Variants in KCNIP4 observed in about 807,000 individuals in gnomAD.
KCNIP4 encodes Kv channel-interacting protein 4.
In KCNIP4, 12 loss-of-function variants were observed where a neutral mutation model predicts 34.0. The ratio of observed to expected loss-of-function variants is 0.35; its 90% CI spans 0.23 to 0.57. The LOEUF (loss-of-function observed/expected upper bound fraction) is 0.57, where lower values mean the gene tolerates loss of function less well. Among genes scored for constraint, KCNIP4 ranks in the 20% least tolerant of loss-of-function variants. The pLI, the probability that KCNIP4 is intolerant of heterozygous loss-of-function variation, is 0.83. For missense variants in KCNIP4, 238 were observed against 311.7 expected, an observed-to-expected ratio of 0.76 and a Z score of 1.78; for synonymous variants, 124 against 102.2, an observed-to-expected ratio of 1.21 and a Z score of -1.29.
chr4:21,262,139 C>A (rs895338082), intron 1 of KCNIP4, among the ~76,000 whole-genome samples: 1 of 152,092 alleles, frequency 6.6e-6, no homozygotes. Flanking sequence ...ATAAACAGTT[C>A]CTTTTTATTT....
At chr4:21,445,287 T>C (rs1444690184) in intron 1 of KCNIP4, among the ~76,000 whole-genome samples, 1 of 152,090 alleles carries the variant, frequency 6.6e-6, no homozygotes, top group African/African-American at 2.4e-5. Flanking sequence ...AAAGTTCATA[T>C]GGAACCAAAA....
chr4:21,244,011 C>A (rs1760028309), intron 1 of KCNIP4, among the ~76,000 whole-genome samples: 1 of 152,140 alleles, frequency 6.6e-6, no homozygotes, highest in African/African-American at 2.4e-5. Flanking sequence ...GCTAGTGAGG[C>A]AAGCACTTGC....
intron 1 of KCNIP4, among the ~76,000 whole-genome samples, chr4:21,569,077 T>C (rs989447931): frequency 1.3e-5 from 2 of 151,704 alleles, no homozygotes; most frequent in African/African-American, 4.8e-5. Flanking sequence ...ATTTTGAGCC[T>C]CCAAACCTGT....
At chr4:21,671,734 G>A (rs935837357) in intron 1 of KCNIP4, among the ~76,000 whole-genome samples, 5 of 152,118 alleles carry the variant, frequency 3.3e-5, no homozygotes, top group African/African-American at 7.2e-5. Flanking sequence ...AGTAGCACCC[G>A]AAACCTATGC....
chr4:20,786,002 C>A (rs1474104962), intron 3 of KCNIP4, among the ~76,000 whole-genome samples: 1 of 151,984 alleles, frequency 6.6e-6, no homozygotes, highest in African/African-American at 2.4e-5. Context: ...TGCACTCATA[C>A]GTTTATCACA....
At chr4:21,306,922 A>C (rs1309874297) in intron 1 of KCNIP4, among the ~76,000 whole-genome samples, 1 of 151,924 alleles carries the variant, frequency 6.6e-6, no homozygotes, top group Non-Finnish European at 1.5e-5. Flanking sequence ...TCCTGGGTTC[A>C]AGCAATTCTC....
chr4:21,494,352 C>G (rs1313318592), intron 1 of KCNIP4, among the ~76,000 whole-genome samples: 1 of 151,806 alleles, frequency 6.6e-6, no homozygotes, highest in East Asian at 1.9e-4. Context: ...ATACCAATGA[C>G]AGCCAAATGG....
Position 21,268,819 on chromosome 4 carries a change from G to A in KCNIP4, c.62-386110C>T, listed in dbSNP as rs561487986. Among the ~76,000 whole-genome samples, 144 of 152,298 alleles carry A rather than the reference G, an allele frequency of 9.5e-4. 2 individuals carry two copies. In the South Asian group the frequency reaches 0.021, roughly 23 times the overall value. ...ACCCACCTAGTCCAGTCCTGGCAAC[G>A]GTCAAGAAAACTTCCTGGGCAAAAC... is the stretch of plus-strand genomic sequence containing the variant. On this transcript the variant is annotated intron_variant, in intron 1 of 8. Transcript: ENST00000382152.
intron 3 of KCNIP4, among the ~76,000 whole-genome samples, chr4:20,843,957 C>T (rs1191142963): frequency 6.6e-6 from 1 of 152,106 alleles, no homozygotes; most frequent in Non-Finnish European, 1.5e-5. Flanking sequence ...TTTTTAATTA[C>T]ATTATGAAGT....
chr4:21,382,147 A>T (rs1721566223), intron 1 of KCNIP4, among the ~76,000 whole-genome samples: 1 of 152,228 alleles, frequency 6.6e-6, no homozygotes, highest in African/African-American at 2.4e-5. Context: ...ACATGCTGAA[A>T]TATGTAGTAC....
At chr4:21,822,825 C>A (rs1227175161) in intron 1 of KCNIP4, among the ~76,000 whole-genome samples, 1 of 149,094 alleles carries the variant, frequency 6.7e-6, no homozygotes, top group East Asian at 2.0e-4. Context: ...TCAAGAGATT[C>A]TCTTGCCTCA....
chr4:20,935,000 C>T (rs1194650545), intron 1 of KCNIP4, among the ~76,000 whole-genome samples: 1 of 152,170 alleles, frequency 6.6e-6, no homozygotes, highest in Non-Finnish European at 1.5e-5. Context: ...CCAGTCTCTG[C>T]CTCCATCTTC....
chr4:21,539,903 G>A (rs1368619157), intron 1 of KCNIP4, among the ~76,000 whole-genome samples: 2 of 151,850 alleles, frequency 1.3e-5, no homozygotes, highest in Non-Finnish European at 2.9e-5. Context: ...CGCTTGAACC[G>A]GGAGGTGGCA....
intron 1 of KCNIP4, among the ~76,000 whole-genome samples, chr4:21,457,814 A>T (rs904572678): frequency 1.3e-5 from 2 of 152,020 alleles, no homozygotes; most frequent in Non-Finnish European, 1.5e-5. Flanking sequence ...GCTCTATGGT[A>T]AAAAAGAATA....
intron 1 of KCNIP4, among the ~76,000 whole-genome samples, chr4:21,541,152 C>T (rs1737651776): frequency 8.2e-6 from 1 of 122,336 alleles, no homozygotes; most frequent in Non-Finnish European, 1.6e-5. Context: ...GCCTGAGCAA[C>T]AGAGTGAGAC....
At chr4:21,441,589 C>G (rs1321128884) in intron 1 of KCNIP4, among the ~76,000 whole-genome samples, 2 of 152,090 alleles carry the variant, frequency 1.3e-5, no homozygotes, top group African/African-American at 2.4e-5. Context: ...TTATATTACC[C>G]TTATTGTTTT....
intron 1 of KCNIP4, among the ~76,000 whole-genome samples, chr4:21,196,861 A>C (rs1202867972): frequency 6.6e-6 from 1 of 152,162 alleles, no homozygotes; most frequent in East Asian, 1.9e-4. Flanking sequence ...GCATTTGTAC[A>C]TGCACACACA....
chr4:21,256,871 G>A (rs915058968), intron 1 of KCNIP4, among the ~76,000 whole-genome samples: 6 of 152,154 alleles, frequency 3.9e-5, no homozygotes, highest in African/African-American at 1.4e-4. Context: ...TGATGGCTGT[G>A]GAAATGGTGT....
At chr4:21,259,916 T>C (rs1428234099) in intron 1 of KCNIP4, among the ~76,000 whole-genome samples, 1 of 146,700 alleles carries the variant, frequency 6.8e-6, no homozygotes, top group African/African-American at 2.6e-5. Context: ...TGTGTGTGTG[T>C]GTGTGCACGT....
Sources: gnomAD v4.1 joint callset for allele counts (sites outside exome capture counted in the v4.1 genomes callset) on GRCh38, gnomAD v4.1.1 for gene constraint, MANE v1.5 for transcripts, NCBI Gene and HGNC (gene_info 2026-07-23, HGNC 2026-07-21) for gene names.